Variants in COL23A1 observed in about 807,000 individuals in gnomAD.
COL23A1 encodes the protein collagen type XXIII alpha 1 chain.
A neutral mutation model predicts 99.3 loss-of-function variants in COL23A1; 97 were observed. The ratio of observed to expected loss-of-function variants is 0.98; its 90% confidence interval spans 0.83 to 1.16. The LOEUF is 1.16. Ranked by LOEUF, COL23A1 falls within the 50% of genes most tolerant of loss-of-function variation. The pLI is 0.00. For missense variants in COL23A1, 762 were observed against 757.4 expected, an observed-to-expected ratio of 1.01 and a Z score of -0.07; for synonymous variants, 320 against 308.2, an observed-to-expected ratio of 1.04 and a Z score of -0.40.
chr5:178,348,605 C>T (rs2127673700), intron 2 of COL23A1, among the ~76,000 whole-genome samples: 1 of 152,354 alleles, frequency 6.6e-6, no homozygotes, highest in East Asian at 1.9e-4. Flanking sequence ...CCATTTACTA[C>T]CTGGCTTCTG....
At chr5:178,473,140 AT>A (rs1162002168) in intron 2 of COL23A1, among the ~76,000 whole-genome samples, 4 of 152,214 alleles carry the variant, frequency 2.6e-5, no homozygotes, top group African/African-American at 9.6e-5. Context: ...CCCAAAAAAA[AT>A]CATAATAAAA....
chr5:178,409,009 C>T (rs1764921454), intron 2 of COL23A1, among the ~76,000 whole-genome samples: 1 of 148,334 alleles, frequency 6.7e-6, no homozygotes, highest in South Asian at 2.1e-4. Flanking sequence ...CACACACACA[C>T]ACACACACAC....
intron 2 of COL23A1, among the ~76,000 whole-genome samples, chr5:178,459,433 A>G (rs746505664): frequency 2.0e-5 from 3 of 152,186 alleles, no homozygotes; most frequent in Non-Finnish European, 4.4e-5. Context: ...GGCTCACATC[A>G]TTCTACTTTC....
At chr5:178,517,068 A>C (rs959148208) in intron 2 of COL23A1, among the ~76,000 whole-genome samples, 1 of 152,130 alleles carries the variant, frequency 6.6e-6, no homozygotes, top group Non-Finnish European at 1.5e-5. Flanking sequence ...CCACAACCAC[A>C]TCCATCCTCC....
chr5:178,326,953 C>T (rs1231510919), intron 2 of COL23A1, among the ~76,000 whole-genome samples: 3 of 152,190 alleles, frequency 2.0e-5, no homozygotes, highest in Non-Finnish European at 2.9e-5. Context: ...CTCCTGACTT[C>T]GTGATCCGCC....
intron 2 of COL23A1, among the ~76,000 whole-genome samples, chr5:178,515,675 G>A (rs1759462952): frequency 6.6e-6 from 1 of 152,106 alleles, no homozygotes; most frequent in Non-Finnish European, 1.5e-5. Context: ...CGCCTCTGCT[G>A]GACCCTAGGT....
chr5:178,326,697 T>A (rs1047406431), intron 2 of COL23A1, among the ~76,000 whole-genome samples: 2 of 152,232 alleles, frequency 1.3e-5, no homozygotes, highest in African/African-American at 2.4e-5. Flanking sequence ...TCTCCAGCCC[T>A]AGAAAAATGA....
chr5:178,243,488 CAAAAA>C (rs1199927228), intron 25 of COL23A1, among the ~76,000 whole-genome samples: 1 of 86,772 alleles, frequency 1.2e-5, no homozygotes, highest in Non-Finnish European at 2.5e-5. Flanking sequence ...ACTCCATCTC[CAAAAA>C]AAAAAAAAAA....
At chr5:178,568,178 T>C (rs1762926419) in intron 1 of COL23A1, among the ~76,000 whole-genome samples, 1 of 152,208 alleles carries the variant, frequency 6.6e-6, no homozygotes, top group African/African-American at 2.4e-5. Flanking sequence ...ACCTGCTTAA[T>C]ATGTCTCAAA....
rs769498956 is a variant in COL23A1 at position 178,239,195 on chromosome 5, G to T, written c.1582-16C>A. 1 of 1,614,076 alleles carries T rather than the reference G, an allele frequency of 6.2e-7. No individual in the cohort carries two copies. ...CGTCGGGGCCCTGGAAAGGAAGAAG[G>T]TTTCAGTGATGGGGATGGGGCCTGG... On this transcript the variant is annotated splice_polypyrimidine_tract_variant and intron_variant, in intron 27 of 28. Transcript: ENST00000390654.
intron 2 of COL23A1, among the ~76,000 whole-genome samples, chr5:178,441,946 C>A (rs1247910421): frequency 6.6e-6 from 1 of 152,146 alleles, no homozygotes; most frequent in Non-Finnish European, 1.5e-5. Flanking sequence ...TAAGCATGAC[C>A]AGGCAGAGGG....
At chr5:178,577,574 TG>T (rs1417117140) in intron 1 of COL23A1, among the ~76,000 whole-genome samples, 2 of 152,076 alleles carry the variant, frequency 1.3e-5, no homozygotes, top group African/African-American at 2.4e-5. Flanking sequence ...GGAGGAGACC[TG>T]GGGAACAGCC....
chr5:178,532,748 C>T (rs1024473277), intron 2 of COL23A1, among the ~76,000 whole-genome samples: 2 of 152,122 alleles, frequency 1.3e-5, no homozygotes, highest in Non-Finnish European at 2.9e-5. Context: ...GGCATACATG[C>T]AATGATGAGG....
intron 1 of COL23A1, 65 bp from the exon 2 acceptor site, chr5:178,560,813 A>G: frequency 9.3e-6 from 14 of 1,503,010 alleles, no homozygotes; most frequent in Non-Finnish European, 1.2e-5. Context: ...GAGAGGGGTA[A>G]AAGTGGAAAC....
At chr5:178,290,332 G>A (rs1757385741) in intron 4 of COL23A1, 30 bp downstream of exon 4, 3 of 1,613,826 alleles carry the variant, frequency 1.9e-6, no homozygotes, top group African/African-American at 1.3e-5. Context: ...TTATCTTTCA[G>A]AAGCAGACAG....
chr5:178,357,824 TTA>T (rs1205151848), intron 2 of COL23A1, among the ~76,000 whole-genome samples: 11 of 143,566 alleles, frequency 7.7e-5, no homozygotes, highest in African/African-American at 2.6e-4. Flanking sequence ...GTATGTGTGT[TTA>T]TGTGTATGTG....
intron 1 of COL23A1, among the ~76,000 whole-genome samples, chr5:178,561,304 T>C (rs1298119590): frequency 6.6e-6 from 1 of 152,206 alleles, no homozygotes; most frequent in Non-Finnish European, 1.5e-5. Context: ...TTTCCTTTCC[T>C]CTTACCAGTG....
intron 2 of COL23A1, among the ~76,000 whole-genome samples, chr5:178,314,900 A>T (rs1758897722): frequency 6.6e-6 from 1 of 152,160 alleles, no homozygotes; most frequent in African/African-American, 2.4e-5. Flanking sequence ...GCTCTCTCTC[A>T]TTGAAGAAGA....
intron 25 of COL23A1, among the ~76,000 whole-genome samples, chr5:178,245,599 C>T (rs1271808048): frequency 6.6e-6 from 1 of 151,362 alleles, no homozygotes; most frequent in Admixed American, 6.6e-5. Flanking sequence ...TCCATCCATT[C>T]ACCCATCCAT....
Sources: gnomAD v4.1 joint callset for allele counts (sites outside exome capture counted in the v4.1 genomes callset) on GRCh38, gnomAD v4.1.1 for gene constraint, MANE v1.5 for transcripts, NCBI Gene and HGNC (gene_info 2026-07-23, HGNC 2026-07-21) for gene names.